BSDC1: variants seen among roughly 807,000 people sequenced by gnomAD.
BSDC1 encodes the protein BSD domain containing 1, also known as BSD domain-containing protein 1.
A neutral mutation model predicts 56.0 loss-of-function variants in BSDC1; 29 were observed. That is an observed-to-expected ratio of 0.52 (90% confidence interval 0.39 to 0.71). BSDC1 has a LOEUF of 0.71. Ranked by LOEUF, BSDC1 falls within the 30% of genes least tolerant of loss-of-function variation. The pLI is 0.00. For synonymous variants in BSDC1, 210 were observed against 215.3 expected (o/e 0.98, Z 0.21); for missense variants, 477 against 548.5 (o/e 0.87, Z 1.30).
At chr1:32,380,922 A>G (rs533295815) in intron 5 of BSDC1, among the ~76,000 whole-genome samples, 70 of 152,246 alleles carry the variant, frequency 4.6e-4, no homozygotes, top group Middle Eastern at 3.4e-3. Flanking sequence ...GGGCTTAGCT[A>G]ACAGGAGCTG....
At chr1:32,391,839 G>A (rs1340206366) in intron 2 of BSDC1, among the ~76,000 whole-genome samples, 1 of 152,126 alleles carries the variant, frequency 6.6e-6, no homozygotes, top group African/African-American at 2.4e-5. Context: ...AAACGAACTG[G>A]GGGTGGTATC....
In BSDC1 at chr1:32,378,747, T is replaced by G. The variant is rs912933423; in HGVS notation, c.505A>C (p.Ile169Leu). The change falls in exon 6 of 11, where the codon ATC becomes CTC. Residue 169 changes from isoleucine to leucine, a missense_variant. Ile to Leu is a conservative substitution (Grantham distance 5). Transcript: ENST00000455895. This position sits in a 1 kb window ranked among gnomAD's most constrained non-coding sequence, Gnocchi z 5.2. ...ISELLVGSPS[I>L]RALYTKMVPA... is the part of the protein sequence containing the mutation. ...ACCATCTTGGTGTAGAGGGCCCGGATGGAGGGGCTGCCTACAAGGAGCTCT... is the reference window on the plus strand; with the variant it reads ...ACCATCTTGGTGTAGAGGGCCCGGAGGGAGGGGCTGCCTACAAGGAGCTCT... 1 of 1,535,500 alleles carries G rather than the reference T, an allele frequency of 6.5e-7. No individual in the cohort carries two copies. The highest frequency in any genetic ancestry group is 8.8e-7 in the Non-Finnish European group (1 of 1,139,548).
Position 32,378,388 on chromosome 1 carries a change from G to C in BSDC1, c.529-105C>G. 8.7e-7 allele frequency: 1 copy of C among 1,143,460 alleles called. No individual in the cohort carries two copies. Among genetic ancestry groups the C allele is most frequent in the Non-Finnish European group, 1.3e-6 (1 of 771,150 alleles). The allele number at this position is 1,143,460 out of a possible 1,614,324, so 70.8% of individuals were successfully genotyped here. On this transcript the variant is annotated intron_variant, in intron 6 of 10. Coordinates refer to ENST00000455895, the MANE Select transcript of BSDC1 (RefSeq NM_018045.8). The surrounding 1 kb of genome is among the most constrained non-coding windows in gnomAD (Gnocchi z 5.2). ...CCAGCCAGTCTGGATTTCAGACCCA[G>C]TAAGTGGCTTAGCAGTGACAGTCAG...
intron 9 of BSDC1, among the ~76,000 whole-genome samples, chr1:32,369,756 T>A (rs545255940): frequency 1.3e-5 from 2 of 152,336 alleles, no homozygotes; most frequent in East Asian, 3.9e-4. Context: ...ACCATCCTAG[T>A]TTAAAGAGCA....
chr1:32,373,174 T>C (rs960216311), intron 9 of BSDC1, among the ~76,000 whole-genome samples: 7 of 152,194 alleles, frequency 4.6e-5, no homozygotes, highest in African/African-American at 1.7e-4. Context: ...TTCTACTCTG[T>C]TCCCACTGTT....
chr1:32,366,794 A>T, intron 10 of BSDC1, 140 bp from the exon 11 acceptor site: 1 of 1,408,302 alleles, frequency 7.1e-7, no homozygotes, highest in Non-Finnish European at 9.3e-7. Flanking sequence ...CTGAGAGTGA[A>T]CCCCTAGTCT....
intron 9 of BSDC1, chr1:32,369,340 T>C (rs1641982075): frequency 7.8e-7 from 1 of 1,284,872 alleles, no homozygotes; most frequent in Non-Finnish European, 1.0e-6. Flanking sequence ...ACCTTGTCTC[T>C]AGAAAAAAAT....
intron 9 of BSDC1, among the ~76,000 whole-genome samples, chr1:32,368,872 G>A (rs1570097856): frequency 6.6e-6 from 1 of 151,984 alleles, no homozygotes; most frequent in African/African-American, 2.4e-5. Context: ...GCTAATTTTT[G>A]TATTTTTAGT....
intron 2 of BSDC1, among the ~76,000 whole-genome samples, chr1:32,389,163 C>T (rs1453446922): frequency 1.3e-5 from 2 of 152,044 alleles, no homozygotes; most frequent in African/African-American, 4.8e-5. Flanking sequence ...ACTGTGTTAG[C>T]CAGGATGGTC....
intron 2 of BSDC1, among the ~76,000 whole-genome samples, chr1:32,390,658 C>G (rs951025289): frequency 5.3e-5 from 8 of 152,132 alleles, no homozygotes; most frequent in African/African-American, 1.9e-4. Flanking sequence ...TGCCTGTAGT[C>G]CCAGCACTTT....
rs1641856896 is a variant in BSDC1 at position 32,366,529 on chromosome 1, T to C, written c.*93A>G. On this transcript the variant is annotated 3_prime_UTR_variant, in exon 11 of 11. Transcript: ENST00000455895. ...AGAGCTCTGGTTGGCAGAGGAGATT[T>C]GGGGGAACATTCTCAGTCTTCCAGG... The C allele has an allele frequency of 1.6e-6, 2 of 1,228,096 alleles. No individual in the cohort carries two copies. The highest frequency in any genetic ancestry group is 1.3e-5 in the South Asian group (1 of 77,664). 76.1% of individuals were successfully genotyped at this position (1,228,096 alleles called of 1,614,324 possible).
At chr1:32,368,184 T>G (rs1641921624) in intron 10 of BSDC1, 1 of 1,436,798 alleles carries the variant, frequency 7.0e-7, no homozygotes, top group East Asian at 2.5e-5. Flanking sequence ...ACATCTGTTT[T>G]CTTAAGCAGT....
At chr1:32,390,698 C>T (rs1335812990) in intron 2 of BSDC1, among the ~76,000 whole-genome samples, 1 of 152,046 alleles carries the variant, frequency 6.6e-6, no homozygotes, top group African/African-American at 2.4e-5. Context: ...ACTGCTTGAG[C>T]CTAGGGGTTT....
In BSDC1 at chr1:32,385,716, G is replaced by T. The variant is rs372095943; in HGVS notation, c.189+1063C>A. ...CACTCCAGCCTGGGCAAGAGAGAGAGACCCCGTCTCAAAACAATAACCACC... is the reference window on the plus strand; with the variant it reads ...CACTCCAGCCTGGGCAAGAGAGAGATACCCCGTCTCAAAACAATAACCACC... On this transcript the variant is annotated intron_variant, in intron 3 of 10. Coordinates refer to ENST00000455895, the MANE Select transcript of BSDC1 (RefSeq NM_018045.8). Among the ~76,000 whole-genome samples, 7 of 152,218 alleles carry T rather than the reference G, an allele frequency of 4.6e-5. No individual in the cohort carries two copies. In the South Asian group the frequency reaches 1.4e-3, roughly 32 times the overall value.
Position 32,383,975 on chromosome 1 carries a change from G to A in BSDC1, c.212C>T (p.Thr71Ile). 6.2e-7 allele frequency: 1 copy of A among 1,613,190 alleles called. No homozygotes were observed. The highest frequency in any genetic ancestry group is 8.5e-7 in the Non-Finnish European group (1 of 1,180,036). ...AGATAACCCTTTCTTCATCTTCTCT[G>A]TTGCTCCTGAGGAGCCTTCCGTCTG... ...KLATEGSSGA[T>I]EKMKKGLSDF... Residue 71 changes from threonine (T) to isoleucine (I), a missense_variant, in exon 4 of 11, where the codon ACA becomes ATA. Transcript: ENST00000455895.
intron 8 of BSDC1, 87 bp from the exon 9 acceptor site, chr1:32,376,828 G>A (rs1446186215): frequency 7.8e-7 from 1 of 1,289,618 alleles, no homozygotes; most frequent in Non-Finnish European, 9.9e-7. Context: ...TCCTGCCAAA[G>A]TGTACTCTGA....
intron 4 of BSDC1, among the ~76,000 whole-genome samples, chr1:32,382,622 G>C (rs1255078001): frequency 2.0e-5 from 3 of 151,352 alleles, no homozygotes; most frequent in Non-Finnish European, 4.4e-5. Flanking sequence ...GTACTTTAGG[G>C]GGCTGAGGTA....
At chr1:32,386,269 A>T (rs1642664675) in intron 3 of BSDC1, among the ~76,000 whole-genome samples, 1 of 148,010 alleles carries the variant, frequency 6.8e-6, no homozygotes, top group Admixed American at 6.8e-5. Flanking sequence ...CAGTGAGCCG[A>T]GATGGCGCCA....
intron 9 of BSDC1, among the ~76,000 whole-genome samples, chr1:32,372,792 A>C (rs975481142): frequency 6.6e-6 from 1 of 152,198 alleles, no homozygotes; most frequent in Non-Finnish European, 1.5e-5. Context: ...AGCTCATTTT[A>C]TTCTGTTTAA....
Sources: allele counts gnomAD v4.1 joint callset (sites outside exome capture counted in the v4.1 genomes callset), GRCh38; gene constraint gnomAD v4.1.1; non-coding constraint Gnocchi (gnomAD v3.1); transcripts MANE v1.5; gene names NCBI Gene and HGNC (gene_info 2026-07-23, HGNC 2026-07-21).